CELF2: variants seen among roughly 807,000 people sequenced by gnomAD.
CELF2 encodes CUGBP Elav-like family member 2.
In CELF2, 8 loss-of-function variants were observed where a neutral mutation model predicts 62.6. The observed-to-expected ratio is 0.13, with a 90% CI of 0.07 to 0.23. The LOEUF is 0.23. Among genes scored for constraint, CELF2 ranks in the 10% least tolerant of loss-of-function variants. The pLI, the probability that CELF2 is intolerant of heterozygous loss-of-function variation, is 1.00. For missense variants in CELF2, 333 were observed against 671.0 expected (o/e 0.50, Z 5.56); for synonymous variants, 258 against 250.0 (o/e 1.03, Z -0.30).
chr10:11,031,079 AT>A (rs1218281761), intron 1 of CELF2, among the ~76,000 whole-genome samples: 1 of 152,114 alleles, frequency 6.6e-6, no homozygotes, highest in East Asian at 1.9e-4. Context: ...CAACTTAAAA[AT>A]TTTTGCATAT....
chr10:10,743,952 G>A, the CELF2 span, among the ~76,000 whole-genome samples: 30 of 152,244 alleles, frequency 2.0e-4, no homozygotes, highest in Non-Finnish European at 3.5e-4. Context: ...CCTGGATATG[G>A]TATATAAATG....
chr10:10,932,263 G>A (rs888222914), intron 2 of CELF2, among the ~76,000 whole-genome samples: 2 of 152,154 alleles, frequency 1.3e-5, no homozygotes, highest in African/African-American at 4.8e-5. Context: ...GTATGCGGTG[G>A]GGAGTGGGGA....
chr10:10,918,498 G>A (rs559776919), intron 1 of CELF2, among the ~76,000 whole-genome samples: 10 of 152,294 alleles, frequency 6.6e-5, no homozygotes, highest in Non-Finnish European at 1.5e-4. Context: ...ATTTACTAAG[G>A]AAGTATGGCT....
At chr10:11,190,680 G>A (rs1214215203) in intron 2 of CELF2, among the ~76,000 whole-genome samples, 1 of 143,646 alleles carries the variant, frequency 7.0e-6, no homozygotes, top group African/African-American at 2.6e-5. Context: ...TTCTGTCCTC[G>A]AAAATCTCCC....
rs578061082 is a variant in CELF2 at position 11,217,262 on chromosome 10, G to T, written c.272-163G>T. On this transcript the variant is annotated intron_variant, in intron 2 of 12. Transcript: ENST00000633077. This position sits in a 1 kb window ranked among gnomAD's most constrained non-coding sequence, Gnocchi z 5.6. Reference sequence around the variant, plus strand: ...AATAAATATGATTTAGGATGAAAAGGTACTGTGTAAATGCTTGAGATGTTG... The same window carrying T: ...AATAAATATGATTTAGGATGAAAAGTTACTGTGTAAATGCTTGAGATGTTG... Among the ~76,000 whole-genome samples the T allele has an allele frequency of 2.0e-5, 3 of 152,162 alleles. No homozygotes were observed. The highest frequency in any genetic ancestry group is 6.5e-5 in the Admixed American group (1 of 15,282).
chr10:10,651,879 T>A, the CELF2 span, among the ~76,000 whole-genome samples: 1 of 150,540 alleles, frequency 6.6e-6, no homozygotes, highest in African/African-American at 2.4e-5. Flanking sequence ...GGAGAATGAC[T>A]TTGACGAGCT....
In CELF2 at chr10:11,243,136, A is replaced by G. The variant is rs1244768827; in HGVS notation, c.355-6017A>G. On this transcript the variant is annotated intron_variant, in intron 3 of 12. Coordinates refer to ENST00000633077, the MANE Select transcript of CELF2 (RefSeq NM_001326342.2). The surrounding 1 kb of genome is among the most constrained non-coding windows in gnomAD (Gnocchi z 4.1). Reference sequence around the variant, plus strand: ...TCCATGAGCTCCACCTTCATTGTGCATAGGACGCTGATTCTTAGTACACAG... The same window carrying G: ...TCCATGAGCTCCACCTTCATTGTGCGTAGGACGCTGATTCTTAGTACACAG... 1.3e-5 allele frequency among the ~76,000 whole-genome samples: 2 copies of G among 152,074 alleles called. No homozygotes were observed. Among genetic ancestry groups the G allele is most frequent in the Non-Finnish European group, 2.9e-5 (2 of 68,004 alleles).
At chr10:10,917,356 A>G (rs2064440087) in intron 1 of CELF2, among the ~76,000 whole-genome samples, 1 of 152,094 alleles carries the variant, frequency 6.6e-6, no homozygotes, top group Admixed American at 6.5e-5. Context: ...TTTTTAAGAG[A>G]CAGAATGTCA....
Position 11,236,812 on chromosome 10 carries a change from G to C in CELF2, c.355-12341G>C, listed in dbSNP as rs1247707024. ...TGGCAAAGGAAATACGTGTGTACGT[G>C]CATGAGAAGGGTCATTGTGCCGTTG... On this transcript the variant is annotated intron_variant, in intron 3 of 12. Transcript: ENST00000633077. Among the ~76,000 whole-genome samples the C allele has an allele frequency of 3.9e-5, 6 of 152,360 alleles. No individual in the cohort carries two copies. The East Asian group carries it at 9.6e-4, about 24-fold the overall frequency.
Position 10,920,297 on chromosome 10 carries a change from A to C in CELF2, c.89+298A>C, listed in dbSNP as rs201653807. ...TAGATATGCCATAGAAATCATAAAC[A>C]TGCTGCTTCCTTTATTATGTTCACG... On this transcript the variant is annotated intron_variant, in intron 2 of 13. Coordinates refer to the CELF2 transcript ENST00000636488. Among the ~76,000 whole-genome samples the C allele has an allele frequency of 2.7e-4, 41 of 152,334 alleles. 1 individual carries two copies. In the East Asian group the frequency reaches 7.7e-3, roughly 29 times the overall value.
intron 8 of CELF2, among the ~76,000 whole-genome samples, chr10:11,279,567 C>G (rs1244162551): frequency 6.6e-6 from 1 of 152,164 alleles, no homozygotes; most frequent in Non-Finnish European, 1.5e-5. Context: ...TGAGAACGTT[C>G]TATAACCACC....
rs139590825 is a variant in CELF2 at position 10,821,399 on chromosome 10, C to T, written c.53+22582C>T. On this transcript the variant is annotated intron_variant, in intron 1 of 13. Transcript: ENST00000636488. The stretch of plus-strand genomic sequence containing the variant: ...TCTTGGCATGGAAAGGCGAGAGTAC[C>T]AGGGACAGAGGTTTGAAGTCACCAG... 1.3e-3 allele frequency among the ~76,000 whole-genome samples: 195 copies of T among 152,294 alleles called. 1 individual carries two copies. The highest frequency in any genetic ancestry group is 4.5e-3 in the African/African-American group (186 of 41,568).
intron 2 of CELF2, among the ~76,000 whole-genome samples, chr10:10,988,128 G>A (rs1465196417): frequency 6.6e-6 from 1 of 151,974 alleles, no homozygotes; most frequent in African/African-American, 2.4e-5. Context: ...ATATGAAAAA[G>A]GCACTTACAC....
the CELF2 span, among the ~76,000 whole-genome samples, chr10:10,621,490 A>G: frequency 3.5e-4 from 53 of 152,322 alleles, no homozygotes; most frequent in African/African-American, 1.2e-3. Flanking sequence ...GACAATCATG[A>G]GAGCCTCAGC....
chr10:10,653,063 A>G, the CELF2 span, among the ~76,000 whole-genome samples: 12 of 152,204 alleles, frequency 7.9e-5, no homozygotes, highest in African/African-American at 2.9e-4. Context: ...CAGGGGTTGC[A>G]ATCCTCATTT....
Position 11,280,919 on chromosome 10 carries a change from A to C in CELF2, c.841+5799A>C, listed in dbSNP as rs2088285977. ...CATTGACACCTGTGCCCAGGAAGGT[A>C]GCTAAGAATGGAGGAGCTCGGGCTC... On this transcript the variant is annotated intron_variant, in intron 8 of 12. Transcript: ENST00000633077. The surrounding 1 kb of genome is among the most constrained non-coding windows in gnomAD (Gnocchi z 7.6). Among the ~76,000 whole-genome samples, 1 of 151,984 alleles carries C rather than the reference A, an allele frequency of 6.6e-6. No individual in the cohort carries two copies. Among genetic ancestry groups the C allele is most frequent in the African/African-American group, 2.4e-5 (1 of 41,356 alleles).
At chr10:10,847,917 T>C (rs1282427272) in intron 1 of CELF2, among the ~76,000 whole-genome samples, 3 of 152,202 alleles carry the variant, frequency 2.0e-5, no homozygotes, top group Non-Finnish European at 4.4e-5. Context: ...AATGACTATA[T>C]CCAAGTACAT....
the CELF2 span, among the ~76,000 whole-genome samples, chr10:10,698,461 G>C: frequency 1.3e-5 from 2 of 152,186 alleles, no homozygotes; most frequent in South Asian, 2.1e-4. Context: ...CAAAGTATTT[G>C]ATATACATAT....
chr10:11,043,596 C>G (rs1209176130), intron 1 of CELF2, among the ~76,000 whole-genome samples: 1 of 152,152 alleles, frequency 6.6e-6, no homozygotes, highest in Non-Finnish European at 1.5e-5. Context: ...CCCGTCCTTC[C>G]TTTCTCCATC....
Sources: allele counts gnomAD v4.1 joint callset (sites outside exome capture counted in the v4.1 genomes callset), GRCh38; gene constraint gnomAD v4.1.1; non-coding constraint Gnocchi (gnomAD v3.1); transcripts MANE v1.5; gene names NCBI Gene and HGNC (gene_info 2026-07-23, HGNC 2026-07-21).